Variants in EML1 observed in about 807,000 individuals in gnomAD.
EML1 encodes the protein EMAP like 1, also known as echinoderm microtubule-associated protein-like 1.
In EML1, 27 loss-of-function variants were observed where a neutral mutation model predicts 110.4. That is an observed-to-expected ratio of 0.24 (90% CI 0.18 to 0.34). The LOEUF (loss-of-function observed/expected upper bound fraction) is 0.34. EML1 is among the 10% of genes least tolerant of loss of function. The probability of loss-of-function intolerance (pLI) is 1.00; values close to 1 mark genes in which losing one functional copy is unlikely to be tolerated. For missense variants in EML1, 741 were observed against 1,030.9 expected, an observed-to-expected ratio of 0.72 and a Z score of 3.85; for synonymous variants, 344 against 385.8, an observed-to-expected ratio of 0.89 and a Z score of 1.27.
intron 9 of EML1, among the ~76,000 whole-genome samples, chr14:99,902,866 G>A (rs371467244): frequency 3.4e-4 from 52 of 152,304 alleles, no homozygotes; most frequent in Middle Eastern, 6.8e-3. Flanking sequence ...GGACTGTGGA[G>A]ACAAGGTACA....
intron 4 of EML1, among the ~76,000 whole-genome samples, chr14:99,889,002 C>G (rs1045734228): frequency 6.6e-6 from 1 of 152,148 alleles, no homozygotes; most frequent in African/African-American, 2.4e-5. Context: ...GGATTGGGAG[C>G]CGGACAGGCG....
intron 11 of EML1, 111 bp downstream of exon 11, chr14:99,909,590 T>A: frequency 7.0e-7 from 1 of 1,419,008 alleles, no homozygotes; most frequent in Non-Finnish European, 9.7e-7. Context: ...ATCCCTCACA[T>A]AGTTGGGAAG....
chr14:99,844,776 G>A (rs928899678), intron 1 of EML1, among the ~76,000 whole-genome samples: 1 of 152,170 alleles, frequency 6.6e-6, no homozygotes, highest in African/African-American at 2.4e-5. Flanking sequence ...GAATAGTACA[G>A]GATGTAACCT....
chr14:99,853,911 T>A (rs1271169834), intron 2 of EML1, among the ~76,000 whole-genome samples: 1 of 152,226 alleles, frequency 6.6e-6, no homozygotes, highest in Non-Finnish European at 1.5e-5. Context: ...CCTTAGGTGA[T>A]CCGCCTGCCT....
Position 99,920,896 on chromosome 14 carries a change from C to T in EML1, c.1909+19C>T. Reference sequence around the variant, plus strand: ...TCACCAGGTTAGACTCCAAACCATTCACTACTTTATTTTTTTAATCAACTT... The same window carrying T: ...TCACCAGGTTAGACTCCAAACCATTTACTACTTTATTTTTTTAATCAACTT... On this transcript the variant is annotated intron_variant, in intron 17 of 21. Transcript: ENST00000262233. 6.4e-7 allele frequency: 1 copy of T among 1,555,444 alleles called. No individual in the cohort carries two copies. Among genetic ancestry groups the T allele is most frequent in the South Asian group, 1.2e-5 (1 of 86,358 alleles).
intron 1 of EML1, among the ~76,000 whole-genome samples, chr14:99,825,538 T>C (rs2058338199): frequency 6.6e-6 from 1 of 152,184 alleles, no homozygotes; most frequent in Non-Finnish European, 1.5e-5. Flanking sequence ...CAGCCCTTTC[T>C]ACCACATCTC....
intron 9 of EML1, 149 bp from the exon 10 acceptor site, chr14:99,907,489 A>C: frequency 5.9e-6 from 4 of 680,854 alleles, no homozygotes; most frequent in South Asian, 2.0e-5. Flanking sequence ...AGAAAGAAAG[A>C]AAGCAGGTCT....
At chr14:99,791,420 T>C (rs980318328), upstream of EML1, among the ~76,000 whole-genome samples, 3 of 152,216 alleles carry the variant, frequency 2.0e-5, no homozygotes, top group African/African-American at 7.2e-5. Context: ...CTTCGGAATG[T>C]CCTTCTCTCT....
At chr14:99,807,919 C>A (rs1179378061) in intron 1 of EML1, among the ~76,000 whole-genome samples, 2 of 152,186 alleles carry the variant, frequency 1.3e-5, no homozygotes, top group African/African-American at 4.8e-5. Context: ...TCTTACCACA[C>A]CCCTCTGCTT....
chr14:99,750,604 G>A (rs962022938), intron 1 of EML1, among the ~76,000 whole-genome samples: 2 of 152,178 alleles, frequency 1.3e-5, no homozygotes, highest in Non-Finnish European at 2.9e-5. Flanking sequence ...ACTATCACCC[G>A]TATTCAAGGG....
intron 1 of EML1, among the ~76,000 whole-genome samples, chr14:99,747,122 A>G (rs1410033679): frequency 1.4e-5 from 2 of 138,148 alleles, no homozygotes; most frequent in Non-Finnish European, 3.0e-5. Context: ...CAGGAGGTGG[A>G]GCTTGCAGTG....
At chr14:99,786,539 T>C (rs779738770) in intron 1 of EML1, among the ~76,000 whole-genome samples, 18 of 152,212 alleles carry the variant, frequency 1.2e-4, no homozygotes, top group Non-Finnish European at 2.5e-4. Context: ...GATGTGCTCA[T>C]GACTGCAGAG....
chr14:99,796,909 A>ATGTGTG (rs369237790), intron 1 of EML1, among the ~76,000 whole-genome samples: 13 of 142,592 alleles, frequency 9.1e-5, no homozygotes, highest in African/African-American at 2.5e-4. Context: ...TTGTGTGTGT[A>ATGTGTG]TGTGTGTGTG....
chr14:99,814,057 A>ATCCT (rs2058126046), intron 1 of EML1, among the ~76,000 whole-genome samples: 1 of 152,170 alleles, frequency 6.6e-6, no homozygotes, highest in Non-Finnish European at 1.5e-5. Flanking sequence ...TTGTCACTGT[A>ATCCT]TCCTTCCACG....
chr14:99,913,329 A>G (rs1004192131), intron 13 of EML1, among the ~76,000 whole-genome samples: 5 of 151,868 alleles, frequency 3.3e-5, no homozygotes, highest in African/African-American at 9.7e-5. Flanking sequence ...ACGCACCACC[A>G]TACCCAGCTA....
At chr14:99,809,835 G>C (rs1253465242) in intron 1 of EML1, among the ~76,000 whole-genome samples, 3 of 152,336 alleles carry the variant, frequency 2.0e-5, no homozygotes, top group African/African-American at 7.2e-5. Context: ...ATTTTTGAAT[G>C]TGACTATGGG....
intron 1 of EML1, among the ~76,000 whole-genome samples, chr14:99,755,785 G>A (rs1361421098): frequency 6.6e-6 from 1 of 152,176 alleles, no homozygotes; most frequent in East Asian, 1.9e-4. Flanking sequence ...ACTGTGTTGT[G>A]TGCATGGTAG....
chr14:99,783,310 AG>A (rs1300732424), intron 1 of EML1, among the ~76,000 whole-genome samples: 2 of 151,836 alleles, frequency 1.3e-5, no homozygotes, highest in Non-Finnish European at 2.9e-5. Flanking sequence ...GTCCCTACAA[AG>A]GACATGAACT....
chr14:99,785,531 G>A (rs769654577), intron 1 of EML1, among the ~76,000 whole-genome samples: 10 of 152,262 alleles, frequency 6.6e-5, no homozygotes, highest in Admixed American at 5.2e-4. Context: ...GATGGGAGTC[G>A]CAGAAAACTG....
Sources: allele counts gnomAD v4.1 joint callset (sites outside exome capture counted in the v4.1 genomes callset), GRCh38; gene constraint gnomAD v4.1.1; transcripts MANE v1.5; gene names NCBI Gene and HGNC (gene_info 2026-07-23, HGNC 2026-07-21).